CASZ1: variants seen among roughly 807,000 people sequenced by gnomAD.
CASZ1 encodes castor zinc finger 1.
CASZ1 carries 28 observed loss-of-function variants against 135.2 expected under a neutral mutation model. The ratio of observed to expected loss-of-function variants is 0.21; its 90% CI spans 0.15 to 0.28. The LOEUF (loss-of-function observed/expected upper bound fraction) is 0.28. Ranked by LOEUF, CASZ1 falls within the 10% of genes least tolerant of loss-of-function variation. The pLI, the probability that CASZ1 is intolerant of heterozygous loss-of-function variation, is 1.00. For missense variants in CASZ1, 2,161 were observed against 2,453.3 expected (o/e 0.88, Z 2.52); for synonymous variants, 1,068 against 1,073.4 (o/e 0.99, Z 0.10).
intron 4 of CASZ1, among the ~76,000 whole-genome samples, chr1:10,688,971 C>T (rs1041227751): frequency 6.6e-6 from 1 of 152,182 alleles, no homozygotes; most frequent in African/African-American, 2.4e-5. Context: ...TTCCTTCCCC[C>T]TCTGAAGATG....
Position 10,706,364 on chromosome 1 carries a change from A to C in CASZ1, c.-76-820T>G, listed in dbSNP as rs894165369. Among the ~76,000 whole-genome samples, 5 of 151,420 alleles carry C rather than the reference A, an allele frequency of 3.3e-5. No homozygotes were observed. Among genetic ancestry groups the C allele is most frequent in the African/African-American group, 1.2e-4 (5 of 41,178 alleles). The stretch of plus-strand genomic sequence containing the variant: ...GCCAGCCTGCTGGCCAGGCCCCCCA[A>C]CCCTTGCTCAAGCCAGGCCCTGCCC... On this transcript the variant is annotated intron_variant, in intron 2 of 20. Coordinates refer to ENST00000377022, the MANE Select transcript of CASZ1 (RefSeq NM_001079843.3). This position sits in a 1 kb window ranked among gnomAD's most constrained non-coding sequence, Gnocchi z 4.3.
At chr1:10,743,514 G>A (rs999457423) in intron 2 of CASZ1, among the ~76,000 whole-genome samples, 7 of 151,578 alleles carry the variant, frequency 4.6e-5, no homozygotes, top group Admixed American at 1.3e-4. Context: ...GGATGGGCTG[G>A]GGGCCGGGGG....
chr1:10,796,267 G>A (rs1042505790), intron 1 of CASZ1, among the ~76,000 whole-genome samples: 1 of 151,376 alleles, frequency 6.6e-6, no homozygotes, highest in African/African-American at 2.4e-5. Flanking sequence ...CCCCTCCCCC[G>A]GAGCCGCGCG....
rs1640357781 is a variant in CASZ1, at chr1:10,760,794, G to T, written c.-170C>A. The T allele has an allele frequency of 1.3e-5, 2 of 152,268 alleles. No homozygotes were observed. The highest frequency in any genetic ancestry group is 4.1e-4 in the South Asian group (2 of 4,830). 9.4% of individuals were successfully genotyped at this position (152,268 alleles called of 1,614,324 possible). ...CCTTGTAAAGGAGGGGTCGATGGCC[G>T]TGGCAGCTGGGAGGGCAGGTGGGAT... On this transcript the variant is annotated 5_prime_UTR_variant, in exon 2 of 21. Coordinates refer to ENST00000377022, the MANE Select transcript of CASZ1 (RefSeq NM_001079843.3).
At chr1:10,675,171 T>C (rs1191567898) in intron 4 of CASZ1, among the ~76,000 whole-genome samples, 2 of 152,240 alleles carry the variant, frequency 1.3e-5, no homozygotes, top group African/African-American at 4.8e-5. Flanking sequence ...AAGTGACTTA[T>C]TAAAGTTTAA....
rs1192311683 is a variant in CASZ1, at chr1:10,788,368, G to C, written c.-234+8196C>G. On this transcript the variant is annotated intron_variant, in intron 1 of 20. Transcript: ENST00000377022. The surrounding 1 kb of genome is among the most constrained non-coding windows in gnomAD (Gnocchi z 4.1). The stretch of plus-strand genomic sequence containing the variant: ...GGGAGTAGTGGTGGGGACCGATCTT[G>C]CCTCCTCCCTCCTGCCCCCCTGCCT... Among the ~76,000 whole-genome samples, 1 of 152,148 alleles carries C rather than the reference G, an allele frequency of 6.6e-6. No homozygotes were observed. The highest frequency in any genetic ancestry group is 1.5e-5 in the Non-Finnish European group (1 of 68,014).
At position 10,697,171 on chromosome 1, in the gene CASZ1, G is replaced by A. The variant is rs537692605; in HGVS notation, c.-23-3259C>T. ...GCAAGGATTTATGAAGGTCAGAGAA[G>A]GCGGCGGAGGCTTCGAGGTTGTGGG... is the stretch of plus-strand genomic sequence containing the variant. On this transcript the variant is annotated intron_variant, in intron 3 of 20. Transcript: ENST00000377022. This position sits in a 1 kb window ranked among gnomAD's most constrained non-coding sequence, Gnocchi z 4.7. Among the ~76,000 whole-genome samples, 1 of 152,358 alleles carries A rather than the reference G, an allele frequency of 6.6e-6. No individual in the cohort carries two copies. The highest frequency in any genetic ancestry group is 1.9e-4 in the East Asian group (1 of 5,186).
chr1:10,743,333 T>C (rs1194999510), intron 2 of CASZ1, among the ~76,000 whole-genome samples: 2 of 151,446 alleles, frequency 1.3e-5, no homozygotes, highest in East Asian at 3.9e-4. Flanking sequence ...AGGCTGGCTG[T>C]CCCCACGGTC....
In CASZ1 at chr1:10,665,355, C is replaced by CG; in HGVS notation, c.232dup (p.Arg78ProfsTer55). 1.9e-6 allele frequency: 3 copies of CG among 1,611,160 alleles called. No homozygotes were observed. Among genetic ancestry groups the CG allele is most frequent in the Non-Finnish European group, 8.5e-7 (1 of 1,178,106 alleles). ...TGCCCGTCTCTTGTCTTCCTCGCTG[C>CG]GGGGGGCCCGGGCTGCCCCAGACTC... On this transcript the variant is annotated frameshift_variant, in exon 5 of 21. Transcript: ENST00000377022. LOFTEE classifies it high-confidence loss of function.
In CASZ1 at chr1:10,756,654, G is replaced by A. The variant is rs1422388642; in HGVS notation, c.-77+4047C>T. On this transcript the variant is annotated intron_variant, in intron 2 of 20. Coordinates refer to ENST00000377022, the MANE Select transcript of CASZ1 (RefSeq NM_001079843.3). This position sits in a 1 kb window ranked among gnomAD's most constrained non-coding sequence, Gnocchi z 5.9. ...CAGGAGAGTGGAGCCTCATGTCAGA[G>A]GCACTGGGAAAAGGGAGACTGGCCT... Among the ~76,000 whole-genome samples, 1 of 152,224 alleles carries A rather than the reference G, an allele frequency of 6.6e-6. No individual in the cohort carries two copies. The highest frequency in any genetic ancestry group is 1.5e-5 in the Non-Finnish European group (1 of 68,044).
rs914020193 is a variant in CASZ1 at position 10,789,617 on chromosome 1, A to T, written c.-234+6947T>A. On this transcript the variant is annotated intron_variant, in intron 1 of 20. Coordinates refer to ENST00000377022, the MANE Select transcript of CASZ1 (RefSeq NM_001079843.3). ...TCTTTCTCTACGTGTCTTTTCCACC[A>T]AAGACACATAGGACAAATCCAGACC... 5.9e-5 allele frequency among the ~76,000 whole-genome samples: 9 copies of T among 151,712 alleles called. No homozygotes were observed. The East Asian group carries it at 1.8e-3, about 30-fold the overall frequency.
chr1:10,750,256 G>T (rs866493364), intron 2 of CASZ1, among the ~76,000 whole-genome samples: 1 of 152,138 alleles, frequency 6.6e-6, no homozygotes, highest in African/African-American at 2.4e-5. Flanking sequence ...ACGCTGCTTT[G>T]CTTCGATTTT....
At chr1:10,792,563 G>A (rs1640981171) in intron 1 of CASZ1, among the ~76,000 whole-genome samples, 1 of 151,950 alleles carries the variant, frequency 6.6e-6, no homozygotes, top group South Asian at 2.1e-4. Flanking sequence ...AAATGCAATC[G>A]CTTTGTATCA....
At chr1:10,789,549 CCTCTCTCTCTCTTT>C (rs1640917967) in intron 1 of CASZ1, among the ~76,000 whole-genome samples, 1 of 151,506 alleles carries the variant, frequency 6.6e-6, no homozygotes, top group South Asian at 2.1e-4. Context: ...TCTCTATCCT[CCTCTCTCTCTCTTT>C]CTCTCTCTCT....
At chr1:10,748,300 G>A (rs972966045) in intron 2 of CASZ1, among the ~76,000 whole-genome samples, 1 of 151,930 alleles carries the variant, frequency 6.6e-6, no homozygotes, top group Non-Finnish European at 1.5e-5. Context: ...GCGGCAGGCC[G>A]AGCCCTGTGT....
chr1:10,792,856 CA>C (rs879863513), intron 1 of CASZ1, among the ~76,000 whole-genome samples: 5 of 151,926 alleles, frequency 3.3e-5, no homozygotes, highest in Non-Finnish European at 7.4e-5. Flanking sequence ...CAATTTTCCC[CA>C]AAAAATAAAT....
Position 10,766,672 on chromosome 1 carries a change from G to A in CASZ1, c.-233-5815C>T, listed in dbSNP as rs138573485. 6.7e-3 allele frequency among the ~76,000 whole-genome samples: 1,022 copies of A among 152,298 alleles called. 13 individuals carry two copies. Among genetic ancestry groups the A allele is most frequent in the African/African-American group, 0.024 (986 of 41,544 alleles). On this transcript the variant is annotated intron_variant, in intron 1 of 20. Coordinates refer to ENST00000377022, the MANE Select transcript of CASZ1 (RefSeq NM_001079843.3). The stretch of plus-strand genomic sequence containing the variant: ...AAATCAATCACAAAGCCTAAACAAA[G>A]AGAAAGAAAGGTTTCTAGACCCTGC...
intron 2 of CASZ1, among the ~76,000 whole-genome samples, chr1:10,750,193 G>A (rs913895318): frequency 6.6e-6 from 1 of 152,126 alleles, no homozygotes; most frequent in Non-Finnish European, 1.5e-5. Flanking sequence ...TTTCAGGGCC[G>A]ACTGCACAAT....
intron 20 of CASZ1, 150 bp from the exon 21 acceptor site, chr1:10,640,209 CTG>C: frequency 9.0e-7 from 1 of 1,114,674 alleles, no homozygotes; most frequent in Admixed American, 2.8e-5. Flanking sequence ...GAGGCCTCTC[CTG>C]CCCCGCCCCC....
Sources: allele counts gnomAD v4.1 joint callset (sites outside exome capture counted in the v4.1 genomes callset), GRCh38; gene constraint gnomAD v4.1.1; non-coding constraint Gnocchi (gnomAD v3.1); transcripts MANE v1.5; gene names NCBI Gene and HGNC (gene_info 2026-07-23, HGNC 2026-07-21).